The following GRM8 variants were observed in gnomAD, a reference collection of about 807,000 sequenced individuals.
GRM8 encodes metabotropic glutamate receptor 8.
In GRM8, 47 loss-of-function variants were observed where a neutral mutation model predicts 87.2. The ratio of observed to expected loss-of-function variants is 0.54; its 90% CI spans 0.43 to 0.69. The LOEUF (loss-of-function observed/expected upper bound fraction) is 0.69, where lower values mean the gene tolerates loss of function less well. Ranked by LOEUF, GRM8 falls within the 30% of genes least tolerant of loss-of-function variation. The probability of loss-of-function intolerance (pLI) is 0.00; values close to 1 mark genes in which losing one functional copy is unlikely to be tolerated. For missense variants in GRM8, 1,019 were observed against 1,139.2 expected (o/e 0.89, Z 1.52); for synonymous variants, 396 against 404.5 (o/e 0.98, Z 0.25).
chr7:126,849,901 AC>A (rs1262491315), intron 6 of GRM8, among the ~76,000 whole-genome samples: 13 of 152,258 alleles, frequency 8.5e-5, no homozygotes, highest in Middle Eastern at 6.8e-3. Flanking sequence ...TCTCTCCTGC[AC>A]CATAATGTCC....
intron 2 of GRM8, among the ~76,000 whole-genome samples, chr7:127,129,685 C>T (rs1827567309): frequency 6.6e-6 from 1 of 152,124 alleles, no homozygotes; most frequent in East Asian, 1.9e-4. Flanking sequence ...AAAGACTGAC[C>T]TTGGCAGCCC....
intron 6 of GRM8, among the ~76,000 whole-genome samples, chr7:126,888,451 A>G (rs534894172): frequency 2.0e-5 from 3 of 152,264 alleles, no homozygotes; most frequent in African/African-American, 7.2e-5. Flanking sequence ...CATCAGCCTG[A>G]CAGGTGACAC....
At chr7:126,542,795 G>C (rs1816697725) in intron 8 of GRM8, among the ~76,000 whole-genome samples, 1 of 152,178 alleles carries the variant, frequency 6.6e-6, no homozygotes, top group South Asian at 2.1e-4. Context: ...AGAAATCACT[G>C]TGGTGACAGA....
chr7:126,734,331 C>T (rs1813951498), intron 7 of GRM8, among the ~76,000 whole-genome samples: 1 of 151,828 alleles, frequency 6.6e-6, no homozygotes, highest in Middle Eastern at 3.4e-3. Flanking sequence ...AATTTTGAAA[C>T]CCATTCTAAT....
chr7:126,657,743 T>C (rs1804688600), intron 7 of GRM8, among the ~76,000 whole-genome samples: 1 of 152,274 alleles, frequency 6.6e-6, no homozygotes, highest in African/African-American at 2.4e-5. Context: ...ATGCTGGGAA[T>C]GTACTTGAAC....
chr7:126,622,288 A>G (rs1800255786), intron 7 of GRM8, among the ~76,000 whole-genome samples: 1 of 152,008 alleles, frequency 6.6e-6, no homozygotes, highest in South Asian at 2.1e-4. Flanking sequence ...CAGATTTCAC[A>G]TGGACAATCA....
chr7:126,520,704 C>T (rs551659642), intron 9 of GRM8, among the ~76,000 whole-genome samples: 1 of 151,928 alleles, frequency 6.6e-6, no homozygotes, highest in Non-Finnish European at 1.5e-5. Context: ...TCTATGCCTG[C>T]GCTATACATA....
intron 7 of GRM8, among the ~76,000 whole-genome samples, chr7:126,728,537 C>T (rs1016060969): frequency 6.6e-6 from 1 of 152,118 alleles, no homozygotes; most frequent in Non-Finnish European, 1.5e-5. Context: ...GAGAAAGAAT[C>T]TCAGAAAAGC....
chr7:126,691,494 A>G (rs1487154390), intron 7 of GRM8, among the ~76,000 whole-genome samples: 1 of 152,064 alleles, frequency 6.6e-6, no homozygotes, highest in Non-Finnish European at 1.5e-5. Context: ...TGCCCCTCCA[A>G]CTTGGAAGGG....
chr7:127,211,794 C>T (rs570037712), intron 2 of GRM8, among the ~76,000 whole-genome samples: 1 of 152,308 alleles, frequency 6.6e-6, no homozygotes, highest in South Asian at 2.1e-4. Context: ...CTGTTGGCAC[C>T]TTGATCCTGG....
intron 7 of GRM8, among the ~76,000 whole-genome samples, chr7:126,741,236 G>C (rs1193447051): frequency 2.1e-5 from 3 of 140,212 alleles, no homozygotes; most frequent in Middle Eastern, 3.5e-3. Flanking sequence ...GTGTGCGTAC[G>C]TGTGTGTGTG....
chr7:127,022,170 CTTT>C (rs76117895), intron 3 of GRM8, among the ~76,000 whole-genome samples: 1 of 144,030 alleles, frequency 6.9e-6, no homozygotes, highest in Admixed American at 7.0e-5. Context: ...GATAATGTTT[CTTT>C]TTTTTTTTTT....
intron 3 of GRM8, among the ~76,000 whole-genome samples, chr7:126,922,124 A>C (rs1157159995): frequency 6.6e-6 from 1 of 152,186 alleles, no homozygotes; most frequent in Non-Finnish European, 1.5e-5. Context: ...GGATGAATTG[A>C]TAAGTTATAT....
intron 6 of GRM8, among the ~76,000 whole-genome samples, chr7:126,841,890 C>T (rs545297141): frequency 7.9e-5 from 12 of 152,044 alleles, no homozygotes; most frequent in Non-Finnish European, 1.3e-4. Context: ...CCTCGGCCTC[C>T]TAAAATGCTG....
intron 2 of GRM8, among the ~76,000 whole-genome samples, chr7:127,156,697 T>C (rs191280252): frequency 9.2e-5 from 14 of 152,222 alleles, no homozygotes; most frequent in Non-Finnish European, 1.5e-5. Flanking sequence ...TGAGAGGCAA[T>C]ACACTGAACA....
chr7:126,463,772 T>A (rs551486881), intron 9 of GRM8, among the ~76,000 whole-genome samples: 22 of 151,686 alleles, frequency 1.5e-4, no homozygotes, highest in African/African-American at 4.6e-4. Context: ...GTGCCTGATG[T>A]ACAACTTTCT....
intron 3 of GRM8, among the ~76,000 whole-genome samples, chr7:127,086,469 G>A (rs577936945): frequency 6.6e-6 from 1 of 152,268 alleles, no homozygotes; most frequent in Admixed American, 6.5e-5. Flanking sequence ...AGTCATCAAT[G>A]AAAGTCTTTA....
chr7:126,961,067 C>A (rs926380105), intron 3 of GRM8, among the ~76,000 whole-genome samples: 2 of 152,124 alleles, frequency 1.3e-5, no homozygotes, highest in African/African-American at 4.8e-5. Context: ...ACAGTTCTGA[C>A]CATATTATCA....
intron 7 of GRM8, among the ~76,000 whole-genome samples, chr7:126,695,270 C>G (rs550220691): frequency 6.6e-6 from 1 of 152,148 alleles, no homozygotes; most frequent in South Asian, 2.1e-4. Context: ...ATATTCCATA[C>G]TGATATCTTC....
Sources: allele counts gnomAD v4.1 joint callset (sites outside exome capture counted in the v4.1 genomes callset), GRCh38; gene constraint gnomAD v4.1.1; transcripts MANE v1.5; gene names NCBI Gene and HGNC (gene_info 2026-07-23, HGNC 2026-07-21).